Variants in ZWILCH observed in about 807,000 individuals in gnomAD.
ZWILCH encodes zwilch kinetochore protein.
Under a neutral mutation model 79.9 loss-of-function variants are expected in ZWILCH, and 74 were observed. That is an observed-to-expected ratio of 0.93 (90% CI 0.77 to 1.12). The LOEUF (loss-of-function observed/expected upper bound fraction) is 1.12, where lower values mean the gene tolerates loss of function less well. Among genes scored for constraint, ZWILCH ranks in the 50% most tolerant of loss-of-function variants. ZWILCH has a pLI of 0.00. For missense variants in ZWILCH, 694 were observed against 687.5 expected (o/e 1.01, Z -0.11); for synonymous variants, 241 against 228.2 (o/e 1.06, Z -0.51).
At chr15:66,528,135 G>A (rs1188923027) in intron 10 of ZWILCH, among the ~76,000 whole-genome samples, 2 of 152,106 alleles carry the variant, frequency 1.3e-5, no homozygotes, top group Non-Finnish European at 2.9e-5. Context: ...ACAAGGTCTT[G>A]CTCTGTCACC....
chr15:66,529,291 T>G (rs970014018), intron 11 of ZWILCH, among the ~76,000 whole-genome samples: 3 of 152,192 alleles, frequency 2.0e-5, no homozygotes, highest in Non-Finnish European at 4.4e-5. Flanking sequence ...AGCATATTAT[T>G]TTTTGGCAAT....
chr15:66,510,392 A>AG (rs1314534070), intron 2 of ZWILCH, among the ~76,000 whole-genome samples: 1 of 149,054 alleles, frequency 6.7e-6, no homozygotes, highest in African/African-American at 2.6e-5. Flanking sequence ...CTCAAAAAAA[A>AG]AAAAAAATAT....
intron 5 of ZWILCH, among the ~76,000 whole-genome samples, chr15:66,519,944 A>G (rs1894435485): frequency 6.6e-6 from 1 of 151,248 alleles, no homozygotes; most frequent in Admixed American, 6.6e-5. Flanking sequence ...ACTACAGGAG[A>G]GCACAACCAT....
chr15:66,534,774 G>A (rs918304148), intron 14 of ZWILCH, among the ~76,000 whole-genome samples: 3 of 152,180 alleles, frequency 2.0e-5, no homozygotes, highest in Non-Finnish European at 4.4e-5. Context: ...TGAGTGGTGA[G>A]TGAATGTGAA....
At position 66,508,862 on chromosome 15, in the gene ZWILCH, A is replaced by G. The variant is rs1893923440; in HGVS notation, c.75A>G (p.Lys25=). Residue 25 remains lysine, a synonymous_variant, in exon 2 of 19, where the codon AAA becomes AAG. Transcript: ENST00000307897. The part of the protein sequence containing the change: ...RLLQKFNEEK[K]GIRKDPFLYE... ...TCAGGAAATTTAATGAAGAAAAGAA[A>G]GGAATCCGTAAAGACCCATTTCTCT... 2 of 1,614,046 alleles carry G rather than the reference A, an allele frequency of 1.2e-6. No individual in the cohort carries two copies. Among genetic ancestry groups the G allele is most frequent in the African/African-American group, 1.3e-5 (1 of 74,940 alleles).
chr15:66,529,358 T>G (rs1324541171), intron 11 of ZWILCH, 136 bp from the exon 12 acceptor site: 1 of 540,604 alleles, frequency 1.8e-6, no homozygotes, highest in East Asian at 3.1e-5. Context: ...TTTGCCACTT[T>G]AATTTCTTTC....
At position 66,521,047 on chromosome 15, in the gene ZWILCH, C is replaced by T. The variant is rs1894473763; in HGVS notation, c.592-3C>T. 1 of 1,613,824 alleles carries T rather than the reference C, an allele frequency of 6.2e-7. No individual in the cohort carries two copies. The highest frequency in any genetic ancestry group is 1.3e-5 in the African/African-American group (1 of 74,926). ...AATGATCTGCTGGGTACACTCTTTT[C>T]AGGTAACATCCAAAGGCTTTGCCCA... On this transcript the variant is annotated splice_region_variant and splice_polypyrimidine_tract_variant and intron_variant, in intron 6 of 18. Coordinates refer to ENST00000307897, the MANE Select transcript of ZWILCH (RefSeq NM_017975.5).
intron 9 of ZWILCH, 77 bp downstream of exon 9, chr15:66,527,460 CTT>C (rs1894711430): frequency 2.5e-6 from 3 of 1,197,944 alleles, no homozygotes; most frequent in East Asian, 2.5e-5. Flanking sequence ...GCTTGATACT[CTT>C]TTTTGATTGG....
intron 14 of ZWILCH, 57 bp downstream of exon 14, chr15:66,533,070 G>A: frequency 7.7e-7 from 1 of 1,300,508 alleles, no homozygotes; most frequent in Non-Finnish European, 1.1e-6. Flanking sequence ...CATTCTGTGT[G>A]CAGTTATTAA....
chr15:66,518,814 GA>G, intron 4 of ZWILCH, 64 bp from the exon 5 acceptor site: 6 of 1,476,718 alleles, frequency 4.1e-6, no homozygotes, highest in Non-Finnish European at 4.7e-6. Flanking sequence ...CTGTCTCTCA[GA>G]AATTAAAGAA....
rs1895511463 is a variant in ZWILCH at position 66,549,441 on chromosome 15, TG to T, written c.*1118del. ...TGTTAAAAAGGAAAGCATATTTCTC[TG>T]ATTGCCCTTATGGAGAAATAAAGAT... On this transcript the variant is annotated 3_prime_UTR_variant, in exon 19 of 19. Coordinates refer to ENST00000307897, the MANE Select transcript of ZWILCH (RefSeq NM_017975.5). 6.6e-6 allele frequency: 1 copy of T among 152,250 alleles called. No homozygotes were observed. 9.4% of individuals were successfully genotyped at this position (152,250 alleles called of 1,614,324 possible).
At chr15:66,537,939 A>G (rs1262877678) in intron 16 of ZWILCH, among the ~76,000 whole-genome samples, 3 of 152,086 alleles carry the variant, frequency 2.0e-5, no homozygotes, top group African/African-American at 7.3e-5. Context: ...TTATTCCTTC[A>G]GAGAAGAGTG....
chr15:66,544,638 C>T (rs566493466), intron 17 of ZWILCH, among the ~76,000 whole-genome samples: 15 of 151,966 alleles, frequency 9.9e-5, no homozygotes, highest in Middle Eastern at 3.4e-3. Flanking sequence ...CTACTGCCCC[C>T]GGCCAAAAGG....
chr15:66,517,013 A>T (rs1204440585), intron 4 of ZWILCH, among the ~76,000 whole-genome samples: 1 of 152,122 alleles, frequency 6.6e-6, no homozygotes, highest in Non-Finnish European at 1.5e-5. Context: ...CTCTTTTTGG[A>T]AGTAAAATCC....
intron 2 of ZWILCH, among the ~76,000 whole-genome samples, chr15:66,511,845 C>G (rs1405535288): frequency 6.6e-6 from 1 of 152,030 alleles, no homozygotes; most frequent in Admixed American, 6.5e-5. Flanking sequence ...AAACTCCTGA[C>G]CTCAGGTGAT....
Position 66,532,966 on chromosome 15 carries a change from A to C in ZWILCH, c.1313-19A>C. Reference sequence around the variant, plus strand: ...AAATACCTGAAGTGTTTTTGCATGTATGTGTTTTTTCTTAATAGGTCAGGA... The same window carrying C: ...AAATACCTGAAGTGTTTTTGCATGTCTGTGTTTTTTCTTAATAGGTCAGGA... On this transcript the variant is annotated intron_variant, in intron 13 of 18. Transcript: ENST00000307897. 6.5e-7 allele frequency: 1 copy of C among 1,542,484 alleles called. No homozygotes were observed.
chr15:66,516,051 T>G (rs1392349031), intron 4 of ZWILCH, among the ~76,000 whole-genome samples: 2 of 152,240 alleles, frequency 1.3e-5, no homozygotes, highest in Non-Finnish European at 2.9e-5. Context: ...TTTCATTGTC[T>G]AGCCCCACTG....
chr15:66,515,748 C>G, intron 4 of ZWILCH, 104 bp downstream of exon 4: 4 of 776,322 alleles, frequency 5.2e-6, no homozygotes, highest in South Asian at 4.5e-5. Context: ...TATCTTCCTT[C>G]ATCTCCCCCA....
chr15:66,544,800 G>T (rs972577631), intron 17 of ZWILCH, among the ~76,000 whole-genome samples: 1 of 147,542 alleles, frequency 6.8e-6, no homozygotes, highest in African/African-American at 2.5e-5. Flanking sequence ...CTAGAGTGCA[G>T]TGGCGCGATC....
Sources: gnomAD v4.1 joint callset for allele counts (sites outside exome capture counted in the v4.1 genomes callset) on GRCh38, gnomAD v4.1.1 for gene constraint, MANE v1.5 for transcripts, NCBI Gene and HGNC (gene_info 2026-07-23, HGNC 2026-07-21) for gene names.